Variants in SMAD5 observed in about 807,000 individuals in gnomAD.
The protein encoded by SMAD5 is SMAD family member 5.
In SMAD5, 9 loss-of-function variants were observed where a neutral mutation model predicts 43.1. The observed-to-expected ratio is 0.21, with a 90% CI of 0.13 to 0.36. The LOEUF is 0.36. Ranked by LOEUF, SMAD5 falls within the 10% of genes least tolerant of loss-of-function variation. The probability of loss-of-function intolerance (pLI) is 1.00; values close to 1 mark genes in which losing one functional copy is unlikely to be tolerated. For synonymous variants in SMAD5, 190 were observed against 192.4 expected, an observed-to-expected ratio of 0.99 and a Z score of 0.10; for missense variants, 348 against 574.0, an observed-to-expected ratio of 0.61 and a Z score of 4.02.
intron 1 of SMAD5, among the ~76,000 whole-genome samples, chr5:136,139,630 C>T (rs982030717): frequency 6.6e-6 from 1 of 152,170 alleles, no homozygotes; most frequent in East Asian, 1.9e-4. Context: ...CATCTCTGAA[C>T]TGGTCTCGCT....
intron 3 of SMAD5, among the ~76,000 whole-genome samples, chr5:136,159,844 C>T (rs547075159): frequency 2.0e-5 from 3 of 152,232 alleles, no homozygotes; most frequent in Non-Finnish European, 4.4e-5. Flanking sequence ...TGTGTACATC[C>T]CTACTTCAGG....
chr5:136,159,150 T>G (rs1021181469), intron 3 of SMAD5, among the ~76,000 whole-genome samples: 2 of 152,228 alleles, frequency 1.3e-5, no homozygotes, highest in Admixed American at 6.5e-5. Context: ...TATGTATATA[T>G]GAATACTGGA....
At chr5:136,153,063 G>A (rs981563590) in intron 2 of SMAD5, among the ~76,000 whole-genome samples, 1 of 152,074 alleles carries the variant, frequency 6.6e-6, no homozygotes, top group Non-Finnish European at 1.5e-5. Flanking sequence ...TTATACAACC[G>A]TGAATACAAT....
At chr5:136,176,457 C>CAAAAAAAAAAAAAAAAA (rs60311104) in intron 7 of SMAD5, among the ~76,000 whole-genome samples, 7 of 68,510 alleles carry the variant, frequency 1.0e-4, no homozygotes, top group African/African-American at 3.4e-4. Flanking sequence ...CTCTGTCTCA[C>CAAAAAAAAAAAAAAAAA]AAAAAAAAAA....
At chr5:136,173,437 T>A (rs112090539) in intron 6 of SMAD5, among the ~76,000 whole-genome samples, 45 of 152,310 alleles carry the variant, frequency 3.0e-4, no homozygotes, top group African/African-American at 1.0e-3. Context: ...AATATAATTG[T>A]GATAGGATTT....
intron 1 of SMAD5, among the ~76,000 whole-genome samples, chr5:136,140,076 G>T (rs550916761): frequency 4.0e-5 from 6 of 149,578 alleles, no homozygotes; most frequent in African/African-American, 1.5e-4. Flanking sequence ...AGGCTAGAGT[G>T]CAGTGGTATG....
chr5:136,160,835 CTT>C lies in SMAD5; in HGVS notation c.404-18_404-17del. On this transcript the variant is annotated intron_variant, in intron 3 of 7. Transcript: ENST00000545279. Reference sequence around the variant, plus strand: ...TTGTTTAGTCATTCCTGACAAATGACTTTTGATTTTTGTTTTTCAGTCTTACC... The same window carrying C: ...TTGTTTAGTCATTCCTGACAAATGACTTGATTTTTGTTTTTCAGTCTTACC... The C allele has an allele frequency of 1.9e-6, 3 of 1,611,408 alleles. No homozygotes were observed. Among genetic ancestry groups the C allele is most frequent in the South Asian group, 1.1e-5 (1 of 90,952 alleles).
intron 2 of SMAD5, among the ~76,000 whole-genome samples, chr5:136,151,834 C>T (rs990058255): frequency 2.0e-5 from 3 of 152,040 alleles, no homozygotes; most frequent in Non-Finnish European, 2.9e-5. Context: ...TTGCCTTTGA[C>T]ATTTCCCATC....
intron 7 of SMAD5, 52 bp downstream of exon 7, chr5:136,174,684 G>T (rs1158514053): frequency 7.8e-7 from 1 of 1,288,176 alleles, no homozygotes; most frequent in South Asian, 1.4e-5. Context: ...TGTATATTAT[G>T]ACTTTAGGTT....
chr5:136,145,095 C>T lies in SMAD5; in HGVS notation c.-244-2737C>T, dbSNP rs529398106. 4.0e-5 allele frequency among the ~76,000 whole-genome samples: 6 copies of T among 149,480 alleles called. No individual in the cohort carries two copies. The South Asian group carries it at 8.4e-4, about 21-fold the overall frequency. ...TGAGAGAGGACAAAAGAAAAAGCTG[C>T]CGTATTTCTTCTAAGATGTAATTTT... On this transcript the variant is annotated intron_variant, in intron 1 of 7. Coordinates refer to ENST00000545279, the MANE Select transcript of SMAD5 (RefSeq NM_005903.7).
intron 7 of SMAD5, among the ~76,000 whole-genome samples, chr5:136,177,006 T>C (rs1365677081): frequency 6.6e-6 from 1 of 152,198 alleles, no homozygotes; most frequent in Non-Finnish European, 1.5e-5. Flanking sequence ...AGGGAGAATG[T>C]ATCTCAGATC....
At chr5:136,146,696 A>T (rs1026206825) in intron 1 of SMAD5, among the ~76,000 whole-genome samples, 2 of 151,838 alleles carry the variant, frequency 1.3e-5, no homozygotes, top group Non-Finnish European at 2.9e-5. Flanking sequence ...TATTTTGAAT[A>T]TAGTATAGTC....
chr5:136,136,038 TCTGGATATTCTAGAGAAAAGAATAC>T (rs1339883938), intron 1 of SMAD5, among the ~76,000 whole-genome samples: 4 of 152,172 alleles, frequency 2.6e-5, no homozygotes, highest in Non-Finnish European at 5.9e-5. Context: ...TCTCCACCAG[TCTGGATATTCTAGAGAAAAGAATAC>T]CTGGATATTC....
At chr5:136,140,660 A>T (rs1399899980) in intron 1 of SMAD5, among the ~76,000 whole-genome samples, 2 of 151,984 alleles carry the variant, frequency 1.3e-5, no homozygotes, top group African/African-American at 4.8e-5. Context: ...GACCCAGCCC[A>T]GCCACCCTGT....
At position 136,154,198 on chromosome 5, in the gene SMAD5, A is replaced by C. The variant is rs1753558843; in HGVS notation, c.403+35A>C. On this transcript the variant is annotated intron_variant, in intron 3 of 7. Coordinates refer to ENST00000545279, the MANE Select transcript of SMAD5 (RefSeq NM_005903.7). ...ATTCCTGAGAAGAATTTGGAAAAAC[A>C]AAAACAAAAAACCTCTCTTCCTGAT... The C allele has an allele frequency of 1.4e-5, 19 of 1,341,820 alleles. No homozygotes were observed. In the East Asian group the frequency reaches 4.8e-4, roughly 34 times the overall value. The allele number at this position is 1,341,820 out of a possible 1,614,324, so 83.1% of individuals were successfully genotyped here. A position where few individuals can be genotyped will look rare whatever the true frequency, so the allele number is the denominator to read the frequency against.
At position 136,173,418 on chromosome 5, in the gene SMAD5, A is replaced by G. The variant is rs75251105; in HGVS notation, c.997+763A>G. On this transcript the variant is annotated intron_variant, in intron 6 of 7. Transcript: ENST00000545279. Reference sequence around the variant, plus strand: ...CATCTTGGTCCAAAATAGGAATAAAAGGTAAATAAATATAATTGTGATAGG... The same window carrying G: ...CATCTTGGTCCAAAATAGGAATAAAGGGTAAATAAATATAATTGTGATAGG... 1.8e-4 allele frequency among the ~76,000 whole-genome samples: 27 copies of G among 152,328 alleles called. No individual in the cohort carries two copies. In the East Asian group the frequency reaches 5.2e-3, roughly 29 times the overall value.
intron 5 of SMAD5, among the ~76,000 whole-genome samples, chr5:136,171,278 G>A (rs1364878709): frequency 7.2e-5 from 11 of 152,170 alleles, no homozygotes; most frequent in Admixed American, 7.2e-4. Context: ...TAATTTTACA[G>A]ATACTGATTA....
At position 136,178,457 on chromosome 5, in the gene SMAD5, C is replaced by T. The variant is rs1350927468; in HGVS notation, c.*977C>T. ...AACAAACACTGCAATTTATAGATTA[C>T]ATTTGTAGGAAGTTATGCTTTTTTC... On this transcript the variant is annotated 3_prime_UTR_variant, in exon 8 of 8. Transcript: ENST00000545279. 2 of 152,536 alleles carry T rather than the reference C, an allele frequency of 1.3e-5. No homozygotes were observed. The highest frequency in any genetic ancestry group is 2.9e-5 in the Non-Finnish European group (2 of 68,022). 9.4% of individuals were successfully genotyped at this position (152,536 alleles called of 1,614,324 possible).
chr5:136,153,884 C>T lies in SMAD5; in HGVS notation c.124C>T (p.Leu42=), dbSNP rs1249815486. The change falls in exon 3 of 8, where the codon CTA becomes TTA. Residue 42 remains leucine (L), a synonymous_variant. Transcript: ENST00000545279. The part of the protein sequence containing the change: ...EKAVDALVKK[L]KKKKGAMEEL... ...GGCAGTTGATGCTTTGGTGAAGAAACTAAAAAAGAAAAAGGGTGCCATGGA... is the reference window on the plus strand; with the variant it reads ...GGCAGTTGATGCTTTGGTGAAGAAATTAAAAAAGAAAAAGGGTGCCATGGA... 3 of 1,613,650 alleles carry T rather than the reference C, an allele frequency of 1.9e-6. No homozygotes were observed. Among genetic ancestry groups the T allele is most frequent in the Non-Finnish European group, 2.5e-6 (3 of 1,179,808 alleles).
Sources: allele counts gnomAD v4.1 joint callset (sites outside exome capture counted in the v4.1 genomes callset), GRCh38; gene constraint gnomAD v4.1.1; transcripts MANE v1.5; gene names NCBI Gene and HGNC (gene_info 2026-07-23, HGNC 2026-07-21).